Variants in TG observed in about 807,000 individuals in gnomAD.
TG encodes thyroid hormones.
Under a neutral mutation model 324.7 loss-of-function variants are expected in TG, and 270 were observed. The ratio of observed to expected loss-of-function variants is 0.83; its 90% CI spans 0.75 to 0.92. The LOEUF (loss-of-function observed/expected upper bound fraction) is 0.92, where lower values mean the gene tolerates loss of function less well. Among genes scored for constraint, TG ranks in the 40% least tolerant of loss-of-function variants. The pLI, the probability that TG is intolerant of heterozygous loss-of-function variation, is 0.00. For synonymous variants in TG, 1,401 were observed against 1,327.0 expected (o/e 1.06, Z -1.21); for missense variants, 3,591 against 3,456.4 (o/e 1.04, Z -0.98).
intron 41 of TG, chr8:133,038,339 G>T: frequency 1.6e-6 from 1 of 609,444 alleles, no homozygotes. Context: ...TCAGACACCA[G>T]GGAGGGGTTC....
rs766152332 is a variant in TG at position 133,096,251 on chromosome 8, G to T, written c.7450G>T (p.Asp2484Tyr). 12 of 1,614,088 alleles carry T rather than the reference G, an allele frequency of 7.4e-6. No homozygotes were observed. The African/African-American group carries it at 1.2e-4, about 16-fold the overall frequency. ...GPFHYWGPVI[D>Y]GHFLREPPAR... is the part of the protein sequence containing the mutation. ...TTTCCACTACTGGGGTCCTGTGATC[G>T]ATGGCCACTTCCTCCGTGAGCCTCC... Residue 2484 changes from aspartate to tyrosine, a missense_variant, in exon 43 of 48, where the codon GAT (aspartate) becomes TAT (tyrosine). By Grantham distance (160) the Asp-to-Tyr change is radical. Coordinates refer to ENST00000220616, the MANE Select transcript of TG (RefSeq NM_003235.5).
chr8:133,037,460 C>CGAT (rs1489834038), intron 41 of TG: 2 of 152,288 alleles, frequency 1.3e-5, no homozygotes, highest in African/African-American at 4.8e-5. Flanking sequence ...CTTACCTACC[C>CGAT]GATCCAGCCA....
chr8:133,079,777 G>A (rs1431611419), intron 41 of TG, among the ~76,000 whole-genome samples: 1 of 152,158 alleles, frequency 6.6e-6, no homozygotes. Context: ...AGAAAACCAA[G>A]TGTAAGCTAA....
chr8:133,012,941 G>T (rs1243420078), intron 36 of TG, among the ~76,000 whole-genome samples: 2 of 152,218 alleles, frequency 1.3e-5, no homozygotes, highest in African/African-American at 2.4e-5. Context: ...AAGGGAAAGG[G>T]CATGGTCCCT....
rs571892413 is a variant in TG, at chr8:133,108,400, C to T, written c.7573-5022C>T. 5.9e-5 allele frequency among the ~76,000 whole-genome samples: 9 copies of T among 152,268 alleles called. No individual in the cohort carries two copies. The South Asian group carries it at 1.9e-3, about 32-fold the overall frequency. On this transcript the variant is annotated intron_variant, in intron 43 of 47. Transcript: ENST00000220616. Reference sequence around the variant, plus strand: ...CCTCTCTCTCTAAGACATGGACTTTCCCTGGCCTGTCTGAATGGGGCTCAA... The same window carrying T: ...CCTCTCTCTCTAAGACATGGACTTTTCCTGGCCTGTCTGAATGGGGCTCAA...
chr8:133,000,599 T>C (rs2403910), intron 35 of TG, among the ~76,000 whole-genome samples: 87,345 of 151,744 alleles, frequency 0.58, 26,463 homozygotes, highest in African/African-American at 0.72. Flanking sequence ...ACCGGAAGAG[T>C]CACATCAGAC....
chr8:132,942,377 C>G (rs1426890596), intron 26 of TG, among the ~76,000 whole-genome samples: 1 of 152,142 alleles, frequency 6.6e-6, no homozygotes, highest in Non-Finnish European at 1.5e-5. Context: ...ATATGAAAAC[C>G]AATCCTGTTT....
At position 133,029,845 on chromosome 8, in the gene TG, G is replaced by T; in HGVS notation, c.7061G>T (p.Trp2354Leu). The T allele has an allele frequency of 6.2e-7, 1 of 1,614,128 alleles. No individual in the cohort carries two copies. Among genetic ancestry groups the T allele is most frequent in the South Asian group, 1.1e-5 (1 of 91,086 alleles). ...SSGSGEVSGN[W>L]GLLDQVAALT... ...GGGTCCGGAGAGGTGAGTGGCAACT[G>T]GGGGCTGCTGGACCAGGTGGCGGCT... Residue 2354 changes from tryptophan to leucine, a missense_variant, in exon 41 of 48, where the codon TGG becomes TTG. Physicochemically the swap from Trp to Leu is moderately conservative, Grantham distance 61. Transcript: ENST00000220616.
chr8:133,116,465 G>A (rs1310366643), intron 44 of TG, 144 bp from the exon 45 acceptor site: 8 of 710,930 alleles, frequency 1.1e-5, no homozygotes, highest in African/African-American at 3.6e-5. Context: ...GCATTGCTGG[G>A]GAATGGGAAG....
rs1301240607 is a variant in TG at position 132,908,262 on chromosome 8, T to C, written c.3924T>C (p.Ala1308=). The C allele has an allele frequency of 3.1e-6, 5 of 1,613,880 alleles. No individual in the cohort carries two copies. Among genetic ancestry groups the C allele is most frequent in the Non-Finnish European group, 1.7e-6 (2 of 1,179,990 alleles). ...TCCCGCCGGGCAAGATGTGCAGTGC[T>C]GACTACGCGGATTTGCTGCAGACTT... ...LQLPPGKMCS[A]DYADLLQTFQ... is the part of the protein sequence containing the mutation. Residue 1308 remains alanine (A), a synonymous_variant, in exon 18 of 48, where the codon GCT becomes GCC. Coordinates refer to ENST00000220616, the MANE Select transcript of TG (RefSeq NM_003235.5).
Position 132,867,012 on chromosome 8 carries a change from C to A in TG, c.12C>A (p.Val4=). 1 of 1,597,876 alleles carries A rather than the reference C, an allele frequency of 6.3e-7. No homozygotes were observed. Among genetic ancestry groups the A allele is most frequent in the Non-Finnish European group, 8.5e-7 (1 of 1,170,756 alleles). ...GAAGGGCCAGGAAAATGGCCCTGGT[C>A]CTGGAGATCTTCACCCTGCTGGCCT... MAL[V]LEIFTLLASI... Residue 4 remains valine (V), a synonymous_variant, in exon 1 of 48, where the codon GTC becomes GTA. Transcript: ENST00000220616.
intron 44 of TG, among the ~76,000 whole-genome samples, chr8:133,116,192 A>C (rs1850669619): frequency 1.3e-5 from 2 of 152,210 alleles, no homozygotes; most frequent in Admixed American, 1.3e-4. Context: ...GTCTTCTAAA[A>C]TGCACAATGA....
rs755826566 is a variant in TG at position 132,887,291 on chromosome 8, A to T, written c.1919A>T (p.Asn640Ile). Residue 640 changes from asparagine (N) to isoleucine (I), a missense_variant, in exon 9 of 48, where the codon AAT becomes ATT. Physicochemically the swap from Asn to Ile is moderately radical, Grantham distance 149. Transcript: ENST00000220616. The part of the protein sequence containing the change: ...QCFSGECWCV[N>I]SWGKELPGSR... ...TTTTCCGGAGAGTGCTGGTGTGTGA[A>T]TTCCTGGGGCAAAGAGCTTCCAGGC... 1.9e-6 allele frequency: 3 copies of T among 1,604,312 alleles called. No homozygotes were observed. In the Admixed American group the frequency reaches 5.0e-5, roughly 27 times the overall value.
chr8:132,990,939 A>T, intron 35 of TG, among the ~76,000 whole-genome samples: 1 of 150,180 alleles, frequency 6.7e-6, no homozygotes, highest in Non-Finnish European at 1.5e-5. Context: ...TTTTTTAGCA[A>T]AAAGTTAATT....
chr8:133,025,578 T>G (rs769325754), intron 40 of TG, among the ~76,000 whole-genome samples: 1 of 152,140 alleles, frequency 6.6e-6, no homozygotes, highest in Non-Finnish European at 1.5e-5. Context: ...GCATTATGAT[T>G]TACTGAAGTC....
At chr8:132,912,502 C>T (rs1819678574) in intron 19 of TG, among the ~76,000 whole-genome samples, 1 of 152,020 alleles carries the variant, frequency 6.6e-6, no homozygotes, top group South Asian at 2.1e-4. Context: ...CTAGGAACTA[C>T]TTATCATTTG....
At chr8:133,038,317 C>T (rs1837456496) in intron 41 of TG, 1 of 594,000 alleles carries the variant, frequency 1.7e-6, no homozygotes, top group Admixed American at 3.0e-5. Flanking sequence ...TTTCGTGATG[C>T]CACAGCCCTG....
At chr8:132,933,348 CTT>C in intron 23 of TG, among the ~76,000 whole-genome samples, 1 of 4,828 alleles carries the variant, frequency 2.1e-4, no homozygotes, top group Admixed American at 1.9e-3. Context: ...ATTTGTGTGT[CTT>C]TGTGTGTTTG....
intron 27 of TG, among the ~76,000 whole-genome samples, chr8:132,952,365 T>C (rs1479172753): frequency 2.0e-5 from 3 of 152,138 alleles, no homozygotes; most frequent in African/African-American, 4.8e-5. Flanking sequence ...ATTCAAGACA[T>C]TTGACCACCT....
Sources: gnomAD v4.1 joint callset for allele counts (sites outside exome capture counted in the v4.1 genomes callset) on GRCh38, gnomAD v4.1.1 for gene constraint, MANE v1.5 for transcripts, NCBI Gene and HGNC (gene_info 2026-07-23, HGNC 2026-07-21) for gene names.